The following GRIN2A variants were observed in gnomAD, a reference collection of about 807,000 sequenced individuals.
The protein encoded by GRIN2A is glutamate receptor ionotropic, NMDA 2A.
GRIN2A carries 22 observed loss-of-function variants against 113.4 expected under a neutral mutation model. The observed-to-expected ratio is 0.19, with a 90% CI of 0.14 to 0.28. The LOEUF is 0.28. GRIN2A is among the 10% of genes least tolerant of loss of function. GRIN2A has a pLI of 1.00. For synonymous variants in GRIN2A, 827 were observed against 738.4 expected (o/e 1.12, Z -1.94); for missense variants, 1,502 against 1,887.0 (o/e 0.80, Z 3.78).
intron 2 of GRIN2A, among the ~76,000 whole-genome samples, chr16:10,067,918 A>C (rs552166272): frequency 2.0e-5 from 3 of 152,356 alleles, no homozygotes; most frequent in South Asian, 2.1e-4. Flanking sequence ...GCCAAAGCTA[A>C]AACAACTCCA....
intron 2 of GRIN2A, among the ~76,000 whole-genome samples, chr16:9,954,437 G>A (rs575250310): frequency 5.4e-4 from 82 of 152,252 alleles, no homozygotes; most frequent in Non-Finnish European, 9.7e-4. Flanking sequence ...TCTTGCTGTT[G>A]ATGTCTCCTC....
intron 2 of GRIN2A, among the ~76,000 whole-genome samples, chr16:10,002,809 T>C (rs1306465403): frequency 1.3e-5 from 2 of 152,208 alleles, no homozygotes; most frequent in Non-Finnish European, 2.9e-5. Context: ...TAACAGTTGG[T>C]AAACCATGCA....
rs2050237757 is a variant in GRIN2A at position 10,180,265 on chromosome 16, G to C, written c.147C>G (p.Arg49=). 6.2e-6 allele frequency: 10 copies of C among 1,613,632 alleles called. No individual in the cohort carries two copies. Among genetic ancestry groups the C allele is most frequent in the East Asian group, 2.2e-5 (1 of 44,882 alleles). Residue 49 remains arginine, a synonymous_variant, in exon 2 of 13, where the codon CGC becomes CGG. Coordinates refer to ENST00000330684, the MANE Select transcript of GRIN2A (RefSeq NM_001134407.3). This position sits in a 1 kb window ranked among gnomAD's most constrained non-coding sequence, Gnocchi z 7.0. ...CGGGGCCCCACAGTGTTCGAAGTTCGCGCTCTGTCACGTCGTGGCTGTGAC... is the reference window on the plus strand; with the variant it reads ...CGGGGCCCCACAGTGTTCGAAGTTCCCGCTCTGTCACGTCGTGGCTGTGAC... ...MLGHSHDVTE[R]ELRTLWGPEQ...
intron 2 of GRIN2A, among the ~76,000 whole-genome samples, chr16:10,149,421 G>A (rs983832742): frequency 6.6e-6 from 1 of 152,196 alleles, no homozygotes; most frequent in African/African-American, 2.4e-5. Flanking sequence ...GCCCAGTGGG[G>A]CAACCTGGGT....
intron 2 of GRIN2A, among the ~76,000 whole-genome samples, chr16:10,166,895 A>T (rs2049935888): frequency 6.6e-6 from 1 of 151,936 alleles, no homozygotes; most frequent in African/African-American, 2.4e-5. Context: ...TAGCAAACAT[A>T]TTTTCTTCCT....
At chr16:10,001,351 G>A (rs976600450) in intron 2 of GRIN2A, among the ~76,000 whole-genome samples, 2 of 152,204 alleles carry the variant, frequency 1.3e-5, no homozygotes, top group African/African-American at 4.8e-5. Flanking sequence ...CTGGTTGCAA[G>A]TGACAGAAAA....
chr16:10,176,156 C>T (rs2050143471), intron 2 of GRIN2A, among the ~76,000 whole-genome samples: 1 of 152,018 alleles, frequency 6.6e-6, no homozygotes, highest in South Asian at 2.1e-4. Flanking sequence ...CAGGGGCCTG[C>T]CACCACATCC....
At chr16:9,807,092 C>T (rs1596444520) in intron 10 of GRIN2A, among the ~76,000 whole-genome samples, 2 of 150,818 alleles carry the variant, frequency 1.3e-5, no homozygotes. Flanking sequence ...GTGAGGCCTC[C>T]CCAGCCACAT....
chr16:9,906,804 A>T (rs931259047), intron 3 of GRIN2A, among the ~76,000 whole-genome samples: 11 of 152,130 alleles, frequency 7.2e-5, no homozygotes, highest in African/African-American at 2.7e-4. Flanking sequence ...AGTTAACAAG[A>T]ATTTACTTTC....
intron 3 of GRIN2A, among the ~76,000 whole-genome samples, chr16:9,909,228 A>G (rs919608409): frequency 6.6e-6 from 1 of 152,170 alleles, no homozygotes; most frequent in Non-Finnish European, 1.5e-5. Flanking sequence ...ATTCACTATC[A>G]CAAGAAAAGC....
At chr16:10,120,759 T>A (rs896270252) in intron 2 of GRIN2A, among the ~76,000 whole-genome samples, 4 of 152,120 alleles carry the variant, frequency 2.6e-5, no homozygotes, top group Non-Finnish European at 5.9e-5. Context: ...AGAGACCCAC[T>A]CCAGTTAGTT....
intron 2 of GRIN2A, among the ~76,000 whole-genome samples, chr16:9,976,255 ATG>A (rs1342044435): frequency 6.6e-6 from 1 of 152,166 alleles, no homozygotes; most frequent in Non-Finnish European, 1.5e-5. Flanking sequence ...CATGACTACT[ATG>A]TGAGTCTGTG....
intron 2 of GRIN2A, among the ~76,000 whole-genome samples, chr16:10,177,980 T>C (rs1353061901): frequency 6.6e-6 from 1 of 152,214 alleles, no homozygotes; most frequent in Non-Finnish European, 1.5e-5. Context: ...CCTCCCAGTC[T>C]CACACCACCT....
intron 2 of GRIN2A, among the ~76,000 whole-genome samples, chr16:9,973,950 C>G (rs186919162): frequency 2.0e-5 from 3 of 152,058 alleles, no homozygotes; most frequent in African/African-American, 4.8e-5. Flanking sequence ...GAAAATAATA[C>G]CAGAAGAAAA....
rs114612793 is a variant in GRIN2A at position 10,093,246 on chromosome 16, A to G, written c.414+86752T>C. On this transcript the variant is annotated intron_variant, in intron 2 of 12. Transcript: ENST00000330684. The stretch of plus-strand genomic sequence containing the variant: ...CATAATAACAGATGGGGTAGGTACC[A>G]TTGCTCTTGCAGCCTGCAGGTCCCA... Among the ~76,000 whole-genome samples, 1,007 of 152,264 alleles carry G rather than the reference A, an allele frequency of 6.6e-3. 15 individuals carry two copies. The highest frequency in any genetic ancestry group is 0.023 in the African/African-American group (952 of 41,562).
At chr16:10,051,061 G>T (rs901071823) in intron 2 of GRIN2A, among the ~76,000 whole-genome samples, 5 of 152,130 alleles carry the variant, frequency 3.3e-5, no homozygotes, top group African/African-American at 1.2e-4. Context: ...TAGTTAGGTG[G>T]TAGGATGATG....
chr16:9,772,349 C>T (rs999990634), intron 11 of GRIN2A, among the ~76,000 whole-genome samples: 4 of 152,284 alleles, frequency 2.6e-5, no homozygotes, highest in Admixed American at 6.5e-5. Flanking sequence ...GTGCTGTTGA[C>T]GTCCCCCCTC....
intron 3 of GRIN2A, among the ~76,000 whole-genome samples, chr16:9,910,985 A>C (rs1567170938): frequency 6.6e-6 from 1 of 151,946 alleles, no homozygotes. Context: ...TGGTGTATAG[A>C]TACACATTTT....
chr16:10,178,228 C>A (rs1212093826), intron 2 of GRIN2A, among the ~76,000 whole-genome samples: 1 of 152,176 alleles, frequency 6.6e-6, no homozygotes. Context: ...CCCTCCCATA[C>A]AAAAGCCCTC....
Sources: gnomAD v4.1 joint callset for allele counts (sites outside exome capture counted in the v4.1 genomes callset) on GRCh38, gnomAD v4.1.1 for gene constraint, Gnocchi (gnomAD v3.1) non-coding constraint, MANE v1.5 for transcripts, NCBI Gene and HGNC (gene_info 2026-07-23, HGNC 2026-07-21) for gene names.